The following PALM variants were observed in gnomAD, a reference collection of about 807,000 sequenced individuals.
PALM encodes the protein paralemmin-1.
A neutral mutation model predicts 30.7 loss-of-function variants in PALM; 18 were observed. That is an observed-to-expected ratio of 0.59 (90% CI 0.41 to 0.87). The LOEUF (loss-of-function observed/expected upper bound fraction) is 0.87, where lower values mean the gene tolerates loss of function less well. Ranked by LOEUF, PALM falls within the 40% of genes least tolerant of loss-of-function variation. The pLI is 0.00. For missense variants in PALM, 529 were observed against 555.4 expected, an observed-to-expected ratio of 0.95 and a Z score of 0.48; for synonymous variants, 286 against 242.8, an observed-to-expected ratio of 1.18 and a Z score of -1.66.
chr19:733,714 G>A (rs1435530566), intron 5 of PALM, among the ~76,000 whole-genome samples: 4 of 152,158 alleles, frequency 2.6e-5, no homozygotes, highest in African/African-American at 4.8e-5. Flanking sequence ...TGGAGCGGAC[G>A]TGGTGGCTCA....
At chr19:740,307 C>CG (rs1460607354) in intron 7 of PALM, 45 bp from the exon 8 acceptor site, 4 of 1,511,266 alleles carry the variant, frequency 2.6e-6, no homozygotes, top group Middle Eastern at 3.4e-4. Flanking sequence ...CGGGGGGGTG[C>CG]GGGGGCGGGC....
intron 1 of PALM, among the ~76,000 whole-genome samples, chr19:718,894 G>A (rs566745656): frequency 4.6e-5 from 7 of 152,108 alleles, no homozygotes; most frequent in African/African-American, 9.6e-5. Flanking sequence ...AAGCAGGGCC[G>A]GGGGTGCCAG....
intron 8 of PALM, among the ~76,000 whole-genome samples, chr19:744,525 C>A (rs1052772610): frequency 1.3e-5 from 2 of 151,964 alleles, no homozygotes; most frequent in African/African-American, 4.8e-5. Flanking sequence ...ATGAATGAAA[C>A]TTTAACTCAA....
chr19:711,886 C>A (rs139282268), intron 1 of PALM, among the ~76,000 whole-genome samples: 4,053 of 152,178 alleles, frequency 0.027, 68 homozygotes, highest in Non-Finnish European at 0.042. Flanking sequence ...TCCCAAGTAG[C>A]TGGGACGACA....
intron 7 of PALM, among the ~76,000 whole-genome samples, chr19:736,705 C>T (rs771916888): frequency 9.2e-5 from 14 of 152,194 alleles, no homozygotes; most frequent in Admixed American, 2.0e-4. Context: ...AATGAGAAAT[C>T]GTCGCAGTGG....
chr19:740,534 A>G (rs918375358), intron 8 of PALM, 51 bp downstream of exon 8: 76 of 1,505,248 alleles, frequency 5.0e-5, no homozygotes, highest in Non-Finnish European at 6.6e-5. Flanking sequence ...AGAGCCCCGA[A>G]CACGTGTGCT....
At chr19:723,661 G>A (rs2032569223) in intron 1 of PALM, among the ~76,000 whole-genome samples, 1 of 151,994 alleles carries the variant, frequency 6.6e-6, no homozygotes, top group African/African-American at 2.4e-5. Context: ...CGTGATCTCT[G>A]CTCACTGCAA....
At chr19:724,236 C>T (rs1432884994) in intron 1 of PALM, among the ~76,000 whole-genome samples, 2 of 152,154 alleles carry the variant, frequency 1.3e-5, no homozygotes, top group South Asian at 2.1e-4. Context: ...CTCCTTCCCA[C>T]ACCACAAAGG....
At chr19:730,963 T>G in intron 4 of PALM, 132 bp from the exon 5 acceptor site, 1 of 616,652 alleles carries the variant, frequency 1.6e-6, no homozygotes, top group Non-Finnish European at 2.8e-6. Context: ...ATCACGCCAT[T>G]GCACTCCAGC....
Position 746,221 on chromosome 19 carries a change from C to G in PALM, c.635-64C>G. 1 of 1,350,206 alleles carries G rather than the reference C, an allele frequency of 7.4e-7. No individual in the cohort carries two copies. The highest frequency in any genetic ancestry group is 1.0e-6 in the Non-Finnish European group (1 of 959,176). 83.6% of individuals were successfully genotyped at this position (1,350,206 alleles called of 1,614,324 possible). A position where few individuals can be genotyped will look rare whatever the true frequency, so the allele number is the denominator to read the frequency against. On this transcript the variant is annotated intron_variant, in intron 8 of 8. Coordinates refer to ENST00000338448, the MANE Select transcript of PALM (RefSeq NM_002579.3). This position sits in a 1 kb window ranked among gnomAD's most constrained non-coding sequence, Gnocchi z 7.1. ...GCCAAGGTTTCCCTCCTGCCTGAGCCAGGTCACTCTCTCTGTCCCTCCTGC... is the reference window on the plus strand; with the variant it reads ...GCCAAGGTTTCCCTCCTGCCTGAGCGAGGTCACTCTCTCTGTCCCTCCTGC...
At chr19:716,609 G>A (rs1413369168) in intron 1 of PALM, among the ~76,000 whole-genome samples, 3 of 152,070 alleles carry the variant, frequency 2.0e-5, no homozygotes, top group Non-Finnish European at 2.9e-5. Flanking sequence ...GGGTTCTTCA[G>A]TAACCCCTGT....
intron 1 of PALM, chr19:719,402 C>G (rs1156732026): frequency 4.1e-6 from 4 of 985,372 alleles, no homozygotes; most frequent in African/African-American, 3.5e-5. Flanking sequence ...CGCCGGGCCC[C>G]GAGCCGCCCA....
intron 1 of PALM, chr19:722,525 G>A (rs1343409121): frequency 6.6e-6 from 1 of 152,332 alleles, no homozygotes; most frequent in African/African-American, 2.4e-5. Context: ...CACCACACCT[G>A]GCCTAGGGTC....
Position 741,318 on chromosome 19 carries a change from C to T in PALM, c.634+835C>T, listed in dbSNP as rs182232853. Among the ~76,000 whole-genome samples, 14 of 152,062 alleles carry T rather than the reference C, an allele frequency of 9.2e-5. No individual in the cohort carries two copies. In the East Asian group the frequency reaches 1.2e-3, roughly 13 times the overall value. On this transcript the variant is annotated intron_variant, in intron 8 of 8. Coordinates refer to ENST00000338448, the MANE Select transcript of PALM (RefSeq NM_002579.3). ...GCATGGGAACCACACCTGGCAGAGC[C>T]GCAGCCCCTGCAAAGGCCCTGAGGT...
At chr19:728,530 G>C (rs1203597482) in intron 4 of PALM, among the ~76,000 whole-genome samples, 1 of 152,180 alleles carries the variant, frequency 6.6e-6, no homozygotes. Flanking sequence ...TGGACAGGCC[G>C]GGTGCGGTGG....
At chr19:732,693 A>G (rs1356432079) in intron 5 of PALM, among the ~76,000 whole-genome samples, 1 of 145,270 alleles carries the variant, frequency 6.9e-6, no homozygotes, top group African/African-American at 2.5e-5. Context: ...GATTCTTTCT[A>G]AAAAAAAAAA....
At chr19:718,590 G>A (rs1454350489) in intron 1 of PALM, among the ~76,000 whole-genome samples, 1 of 152,124 alleles carries the variant, frequency 6.6e-6, no homozygotes, top group Non-Finnish European at 1.5e-5. Flanking sequence ...CTCTGCATCT[G>A]TGGCCTGCTT....
intron 1 of PALM, among the ~76,000 whole-genome samples, chr19:717,691 A>G (rs1342707420): frequency 1.3e-5 from 2 of 151,724 alleles, no homozygotes; most frequent in East Asian, 1.9e-4. Flanking sequence ...CTTTAAAAAG[A>G]AGAGGCAGTG....
intron 6 of PALM, chr19:734,914 T>C (rs1241102790): frequency 8.3e-6 from 2 of 239,524 alleles, no homozygotes; most frequent in Non-Finnish European, 1.4e-5. Context: ...GCGTCTGAAG[T>C]GCTTCTGGCC....
Sources: gnomAD v4.1 joint callset for allele counts (sites outside exome capture counted in the v4.1 genomes callset) on GRCh38, gnomAD v4.1.1 for gene constraint, Gnocchi (gnomAD v3.1) non-coding constraint, MANE v1.5 for transcripts, NCBI Gene and HGNC (gene_info 2026-07-23, HGNC 2026-07-21) for gene names.